GJA3: variants seen among roughly 807,000 people sequenced by gnomAD.
The protein encoded by GJA3 is gap junction alpha-3 protein.
For synonymous variants in GJA3, 297 were observed against 292.6 expected (o/e 1.02, Z -0.15); for missense variants, 571 against 620.3 (o/e 0.92, Z 0.84).
intron 1 of GJA3, among the ~76,000 whole-genome samples, chr13:20,147,991 G>A (rs1958853420): frequency 6.6e-6 from 1 of 152,086 alleles, no homozygotes; most frequent in African/African-American, 2.4e-5. Flanking sequence ...AAGGGCAAGG[G>A]TGTCTGTGTC....
intron 1 of GJA3, among the ~76,000 whole-genome samples, chr13:20,154,955 A>G (rs961816172): frequency 1.3e-5 from 2 of 152,180 alleles, no homozygotes; most frequent in African/African-American, 4.8e-5. Context: ...GGCTCAAGCA[A>G]TCCTCCTGCC....
At chr13:20,149,775 G>A (rs1340395644) in intron 1 of GJA3, among the ~76,000 whole-genome samples, 1 of 152,226 alleles carries the variant, frequency 6.6e-6, no homozygotes, top group East Asian at 1.9e-4. Flanking sequence ...TGGAAGCAGT[G>A]ATTTTAAAAG....
Position 20,142,564 on chromosome 13 carries a change from G to A in GJA3, c.725C>T (p.Ala242Val). Residue 242 changes from alanine (A) to valine (V), a missense_variant, in exon 2 of 2, where the codon GCC (alanine) becomes GTC (valine). Coordinates refer to ENST00000241125, the MANE Select transcript of GJA3 (RefSeq NM_021954.4). Reference protein sequence around the residue: ...QGVTSRLGPDASEAPLGTADP... With the variant: ...QGVTSRLGPDVSEAPLGTADP... ...GGCTGTCCCCAGCGGGGCCTCGGAG[G>A]CGTCCGGGCCGAGGCGGCTGGTCAC... is the stretch of plus-strand genomic sequence containing the variant. The A allele has an allele frequency of 6.3e-7, 1 of 1,588,614 alleles. No individual in the cohort carries two copies. Among genetic ancestry groups the A allele is most frequent in the African/African-American group, 1.3e-5 (1 of 74,440 alleles).
intron 1 of GJA3, among the ~76,000 whole-genome samples, chr13:20,157,712 A>G (rs1958914146): frequency 6.6e-6 from 1 of 152,190 alleles, no homozygotes; most frequent in Non-Finnish European, 1.5e-5. Context: ...AACATACTGG[A>G]ATACATATGT....
Position 20,144,789 on chromosome 13 carries a change from A to C in GJA3, c.-17-1484T>G, listed in dbSNP as rs77782651. 3.0e-4 allele frequency among the ~76,000 whole-genome samples: 46 copies of C among 152,364 alleles called. No individual in the cohort carries two copies. In the East Asian group the frequency reaches 8.3e-3, roughly 27 times the overall value. On this transcript the variant is annotated intron_variant, in intron 1 of 1. Coordinates refer to ENST00000241125, the MANE Select transcript of GJA3 (RefSeq NM_021954.4). ...CAGGCTGGATGCTGGGAATGGGAACAGAAAAACAGCTCCATGCTTTGCAGT... is the reference window on the plus strand; with the variant it reads ...CAGGCTGGATGCTGGGAATGGGAACCGAAAAACAGCTCCATGCTTTGCAGT...
At chr13:20,152,658 A>G (rs1172527412) in intron 1 of GJA3, among the ~76,000 whole-genome samples, 1 of 152,196 alleles carries the variant, frequency 6.6e-6, no homozygotes, top group Non-Finnish European at 1.5e-5. Context: ...TGCTGTACAG[A>G]TGAGAGCTAC....
At chr13:20,147,825 GATACA>G (rs1958852163) in intron 1 of GJA3, among the ~76,000 whole-genome samples, 1 of 152,090 alleles carries the variant, frequency 6.6e-6, no homozygotes, top group South Asian at 2.1e-4. Context: ...CACACAAACA[GATACA>G]ATACACTTTG....
In GJA3 at chr13:20,141,798, G is replaced by T; in HGVS notation, c.*183C>A. 3 of 883,056 alleles carry T rather than the reference G, an allele frequency of 3.4e-6. No individual in the cohort carries two copies. Among genetic ancestry groups the T allele is most frequent in the Non-Finnish European group, 5.1e-6 (3 of 588,396 alleles). The allele number at this position is 883,056 out of a possible 1,614,324, so 54.7% of individuals were successfully genotyped here. A position where few individuals can be genotyped will look rare whatever the true frequency, so the allele number is the denominator to read the frequency against. ...AGTTATCCCCACTGTAACTCACAGT[G>T]CTAAGAACAGCAAGCATTGAACACG... On this transcript the variant is annotated 3_prime_UTR_variant, in exon 2 of 2. Coordinates refer to ENST00000241125, the MANE Select transcript of GJA3 (RefSeq NM_021954.4).
In GJA3 at chr13:20,138,471, T is replaced by G. The variant is rs1958788606; in HGVS notation, c.*3510A>C. ...GTGTTATTCAAATCCCTAACTTGTT[T>G]GCCTTATTATAATGTTCTGTAACGT... On this transcript the variant is annotated 3_prime_UTR_variant, in exon 2 of 2. Transcript: ENST00000241125. 1 of 152,234 alleles carries G rather than the reference T, an allele frequency of 6.6e-6. No individual in the cohort carries two copies. Among genetic ancestry groups the G allele is most frequent in the African/African-American group, 2.4e-5 (1 of 41,458 alleles). 9.4% of individuals were successfully genotyped at this position (152,234 alleles called of 1,614,324 possible). A position where few individuals can be genotyped will look rare whatever the true frequency, so the allele number is the denominator to read the frequency against.
At chr13:20,152,221 G>C (rs1958882367) in intron 1 of GJA3, among the ~76,000 whole-genome samples, 1 of 152,050 alleles carries the variant, frequency 6.6e-6, no homozygotes, top group Non-Finnish European at 1.5e-5. Flanking sequence ...AAAGCCCAGG[G>C]GTCTAACAGC....
At chr13:20,150,115 T>C (rs1209451264) in intron 1 of GJA3, among the ~76,000 whole-genome samples, 3 of 152,260 alleles carry the variant, frequency 2.0e-5, no homozygotes, top group African/African-American at 7.2e-5. Flanking sequence ...AACCAGAGGC[T>C]AACCCTGGTG....
chr13:20,160,060 G>T (rs534746089), intron 1 of GJA3, among the ~76,000 whole-genome samples: 20 of 152,086 alleles, frequency 1.3e-4, no homozygotes, highest in Non-Finnish European at 2.9e-4. Context: ...ATAAAAACTG[G>T]AGTTCTAAAG....
In GJA3 at chr13:20,142,275, CG is replaced by C; in HGVS notation, c.1013del (p.Pro338ArgfsTer61). ...WANQAAERQP[P>X]ALKAYPAAST... Reference sequence around the variant, plus strand: ...ACGCTGCCGGGTAAGCCTTGAGCGCCGGGGGCTGCCGCTCGGCCGCCTGGTT... The same window carrying C: ...ACGCTGCCGGGTAAGCCTTGAGCGCCGGGGCTGCCGCTCGGCCGCCTGGTT... On this transcript the variant is annotated frameshift_variant, in exon 2 of 2. Coordinates refer to ENST00000241125, the MANE Select transcript of GJA3 (RefSeq NM_021954.4). LOFTEE classifies it low-confidence loss of function (END_TRUNC). 7 of 1,564,344 alleles carry C rather than the reference CG, an allele frequency of 4.5e-6. No homozygotes were observed. The highest frequency in any genetic ancestry group is 4.1e-5 in the African/African-American group (3 of 72,312).
Position 20,142,304 on chromosome 13 carries a change from C to G in GJA3, c.985G>C (p.Ala329Pro). 6.4e-7 allele frequency: 1 copy of G among 1,574,280 alleles called. No individual in the cohort carries two copies. The highest frequency in any genetic ancestry group is 1.2e-5 in the South Asian group (1 of 85,902). ...HHLLMTEQNW[A>P]NQAAERQPPA... The stretch of plus-strand genomic sequence containing the variant: ...GGCTGCCGCTCGGCCGCCTGGTTGG[C>G]CCAGTTCTGCTCAGTCATCAGCAGG... The change falls in exon 2 of 2, where the codon GCC (alanine) becomes CCC (proline). Residue 329 changes from alanine (A) to proline (P), a missense_variant. Coordinates refer to ENST00000241125, the MANE Select transcript of GJA3 (RefSeq NM_021954.4).
Position 20,138,484 on chromosome 13 carries a change from T to C in GJA3, c.*3497A>G, listed in dbSNP as rs1324161198. 6.6e-6 allele frequency: 1 copy of C among 152,238 alleles called. No individual in the cohort carries two copies. Among genetic ancestry groups the C allele is most frequent in the Non-Finnish European group, 1.5e-5 (1 of 68,040 alleles). 9.4% of individuals were successfully genotyped at this position (152,238 alleles called of 1,614,324 possible). On this transcript the variant is annotated 3_prime_UTR_variant, in exon 2 of 2. Transcript: ENST00000241125. ...CCCTAACTTGTTTGCCTTATTATAA[T>C]GTTCTGTAACGTAAAGGGGAAAAAA...
upstream of GJA3, chr13:20,161,143 C>G (rs1051916613): frequency 2.0e-5 from 3 of 152,912 alleles, no homozygotes; most frequent in African/African-American, 7.3e-5. Context: ...CTTCCCAGCA[C>G]GCACACCTAC....
chr13:20,142,218 G>A lies in GJA3; in HGVS notation c.1071C>T (p.Ser357=), dbSNP rs1478929901. The A allele has an allele frequency of 5.9e-6, 9 of 1,517,438 alleles. No individual in the cohort carries two copies. Among genetic ancestry groups the A allele is most frequent in the East Asian group, 2.5e-5 (1 of 39,412 alleles). 94.0% of individuals were successfully genotyped at this position (1,517,438 alleles called of 1,614,324 possible). A position where few individuals can be genotyped will look rare whatever the true frequency, so the allele number is the denominator to read the frequency against. Residue 357 remains serine (S), a synonymous_variant, in exon 2 of 2, where the codon AGC becomes AGT. Coordinates refer to ENST00000241125, the MANE Select transcript of GJA3 (RefSeq NM_021954.4). ...STPAAPSPVG[S]SSPPLAHEAE... ...CCTCGTGCGCGAGTGGCGGGGAGCT[G>A]CTGCCGACGGGGCTGGGGGCTGCAG...
At chr13:20,145,401 T>G (rs1958836029) in intron 1 of GJA3, among the ~76,000 whole-genome samples, 1 of 152,134 alleles carries the variant, frequency 6.6e-6, no homozygotes. Context: ...TGGCATCTTT[T>G]CTTGTGTTCT....
intron 1 of GJA3, among the ~76,000 whole-genome samples, chr13:20,150,446 C>T (rs540845777): frequency 3.7e-4 from 57 of 152,094 alleles, no homozygotes; most frequent in Non-Finnish European, 5.7e-4. Context: ...CCGGGAGGAC[C>T]GCGTCCTGCA....
Sources: allele counts gnomAD v4.1 joint callset (sites outside exome capture counted in the v4.1 genomes callset), GRCh38; gene constraint gnomAD v4.1.1; transcripts MANE v1.5; gene names NCBI Gene and HGNC (gene_info 2026-07-23, HGNC 2026-07-21).